Variants in STK39 observed in about 807,000 individuals in gnomAD.
STK39 encodes STE20/SPS1-related proline-alanine-rich protein kinase.
In STK39, 20 loss-of-function variants were observed where a neutral mutation model predicts 77.8. The ratio of observed to expected loss-of-function variants is 0.26; its 90% CI spans 0.18 to 0.37. The LOEUF is 0.37. Ranked by LOEUF, STK39 falls within the 10% of genes least tolerant of loss-of-function variation. The pLI, the probability that STK39 is intolerant of heterozygous loss-of-function variation, is 1.00. For missense variants in STK39, 479 were observed against 656.5 expected, an observed-to-expected ratio of 0.73 and a Z score of 2.95; for synonymous variants, 246 against 234.1, an observed-to-expected ratio of 1.05 and a Z score of -0.47.
At chr2:168,116,883 TA>T (rs1687273991) in intron 10 of STK39, among the ~76,000 whole-genome samples, 1 of 152,220 alleles carries the variant, frequency 6.6e-6, no homozygotes, top group Admixed American at 6.5e-5. Flanking sequence ...AGGAAATAAG[TA>T]AAAGGTAATC....
chr2:168,031,746 C>T (rs1016673919), intron 14 of STK39, among the ~76,000 whole-genome samples: 2 of 152,296 alleles, frequency 1.3e-5, no homozygotes, highest in East Asian at 1.9e-4. Context: ...AACCTTTGGG[C>T]AGCTTCATCG....
Position 168,155,919 on chromosome 2 carries a change from G to A in STK39, c.628+5868C>T, listed in dbSNP as rs115807270. On this transcript the variant is annotated intron_variant, in intron 5 of 17. Coordinates refer to ENST00000355999, the MANE Select transcript of STK39 (RefSeq NM_013233.3). ...CTGCTGCTGAGACAGGGTGTCTCCC[G>A]TGCCTCTAGGCAGAGTGCACTGACC... Among the ~76,000 whole-genome samples, 1,360 of 152,270 alleles carry A rather than the reference G, an allele frequency of 8.9e-3. 19 individuals carry two copies. Among genetic ancestry groups the A allele is most frequent in the African/African-American group, 0.031 (1,287 of 41,544 alleles).
rs1157812422 is a variant in STK39, at chr2:167,982,974, A to T, written c.1499-18248T>A. On this transcript the variant is annotated intron_variant, in intron 16 of 17. Coordinates refer to ENST00000355999, the MANE Select transcript of STK39 (RefSeq NM_013233.3). ...CAAGGTAGCATGAGGACAGAGACAC[A>T]ATCCATTTGGCTCACTGCTGTACAC... Among the ~76,000 whole-genome samples the T allele has an allele frequency of 2.0e-5, 3 of 152,170 alleles. No homozygotes were observed. The East Asian group carries it at 5.8e-4, about 29-fold the overall frequency.
intron 16 of STK39, among the ~76,000 whole-genome samples, chr2:168,010,770 TAA>T (rs1684251230): frequency 6.6e-6 from 1 of 152,242 alleles, no homozygotes; most frequent in East Asian, 1.9e-4. Flanking sequence ...CATTTGTATG[TAA>T]ATAACATACT....
chr2:168,117,184 C>T (rs556472258), intron 10 of STK39, among the ~76,000 whole-genome samples: 8 of 152,174 alleles, frequency 5.3e-5, no homozygotes, highest in African/African-American at 1.7e-4. Flanking sequence ...TTGGTGCTAA[C>T]AAAGTTGATT....
chr2:168,193,306 C>A (rs77676345), intron 1 of STK39, among the ~76,000 whole-genome samples: 24 of 152,166 alleles, frequency 1.6e-4, no homozygotes, highest in Middle Eastern at 3.2e-3. Flanking sequence ...TCTTCCCCCC[C>A]CTCTTCACAC....
chr2:167,962,708 T>C (rs372378242), intron 17 of STK39, among the ~76,000 whole-genome samples: 4 of 152,144 alleles, frequency 2.6e-5, no homozygotes, highest in Non-Finnish European at 5.9e-5. Context: ...CCAATGTAAA[T>C]GTACCCAGTC....
chr2:168,065,201 T>C, intron 13 of STK39, 118 bp downstream of exon 13: 1 of 1,048,950 alleles, frequency 9.5e-7, no homozygotes, highest in South Asian at 1.4e-5. Context: ...AAAAGACAGC[T>C]TATAAGCCCT....
rs886667838 is a variant in STK39 at position 168,176,908 on chromosome 2, T to C, written c.321+5070A>G. Among the ~76,000 whole-genome samples, 3 of 152,150 alleles carry C rather than the reference T, an allele frequency of 2.0e-5. No homozygotes were observed. In the East Asian group the frequency reaches 5.8e-4, roughly 29 times the overall value. ...TAATTAGTATTTTTATTTAAGTGAA[T>C]TGAAAAGGGGGTTTTGTTAATATAC... On this transcript the variant is annotated intron_variant, in intron 2 of 17. Coordinates refer to ENST00000355999, the MANE Select transcript of STK39 (RefSeq NM_013233.3).
chr2:168,213,081 T>C (rs1384003018), intron 1 of STK39, among the ~76,000 whole-genome samples: 1 of 152,240 alleles, frequency 6.6e-6, no homozygotes, highest in East Asian at 1.9e-4. Context: ...TGTTCACAGA[T>C]GTTCCCTGCA....
chr2:168,137,550 C>T (rs1489522475), intron 8 of STK39, among the ~76,000 whole-genome samples: 1 of 152,198 alleles, frequency 6.6e-6, no homozygotes, highest in African/African-American at 2.4e-5. Context: ...AATTTAAAGC[C>T]ATTTGCTTCT....
intron 16 of STK39, among the ~76,000 whole-genome samples, chr2:167,983,932 T>C (rs1214415424): frequency 6.6e-6 from 1 of 152,154 alleles, no homozygotes; most frequent in South Asian, 2.1e-4. Flanking sequence ...CTTCAGATTA[T>C]ACATTTTATC....
At chr2:168,110,372 A>G (rs1687089979) in intron 10 of STK39, among the ~76,000 whole-genome samples, 1 of 152,168 alleles carries the variant, frequency 6.6e-6, no homozygotes, top group South Asian at 2.1e-4. Context: ...AGCTAGGACC[A>G]TAAGGATATG....
chr2:168,004,806 G>C (rs1204424674), intron 16 of STK39, among the ~76,000 whole-genome samples: 1 of 151,504 alleles, frequency 6.6e-6, no homozygotes, highest in African/African-American at 2.4e-5. Flanking sequence ...AGAATCACTT[G>C]GGATACCTGT....
At chr2:168,192,882 A>T (rs1470724683) in intron 1 of STK39, among the ~76,000 whole-genome samples, 2 of 152,044 alleles carry the variant, frequency 1.3e-5, no homozygotes, top group Non-Finnish European at 2.9e-5. Context: ...CCTCCCTATG[A>T]TCAGCTCTGC....
chr2:168,126,594 A>G (rs1291868274), intron 10 of STK39, among the ~76,000 whole-genome samples: 1 of 152,154 alleles, frequency 6.6e-6, no homozygotes, highest in Non-Finnish European at 1.5e-5. Flanking sequence ...CAGGAATCCT[A>G]GGAACACGTG....
intron 14 of STK39, 60 bp from the exon 15 acceptor site, chr2:168,017,155 A>G (rs1400030772): frequency 4.2e-6 from 5 of 1,186,416 alleles, no homozygotes; most frequent in Non-Finnish European, 4.7e-6. Context: ...GTCGAACTAC[A>G]TGTATTCAGA....
At chr2:168,125,672 G>A (rs1687522120) in intron 10 of STK39, among the ~76,000 whole-genome samples, 1 of 152,170 alleles carries the variant, frequency 6.6e-6, no homozygotes, top group South Asian at 2.1e-4. Context: ...TATTCTGCCT[G>A]TAGGAAGAAA....
intron 8 of STK39, 97 bp downstream of exon 8, chr2:168,137,991 C>A (rs1162303692): frequency 7.5e-6 from 11 of 1,469,724 alleles, no homozygotes; most frequent in Non-Finnish European, 1.0e-5. Context: ...ACAAGAAATA[C>A]CTTTCCAGTG....
Sources: allele counts gnomAD v4.1 joint callset (sites outside exome capture counted in the v4.1 genomes callset), GRCh38; gene constraint gnomAD v4.1.1; transcripts MANE v1.5; gene names NCBI Gene and HGNC (gene_info 2026-07-23, HGNC 2026-07-21).